VPS53: variants seen among roughly 807,000 people sequenced by gnomAD.
VPS53 encodes the protein VPS53 subunit of GARP complex, also known as vacuolar protein sorting-associated protein 53 homolog.
Under a neutral mutation model 107.0 loss-of-function variants are expected in VPS53, and 70 were observed. That is an observed-to-expected ratio of 0.65 (90% CI 0.54 to 0.80). The LOEUF (loss-of-function observed/expected upper bound fraction) is 0.80, where lower values mean the gene tolerates loss of function less well. Ranked by LOEUF, VPS53 falls within the 30% of genes least tolerant of loss-of-function variation. The pLI is 0.00. For synonymous variants in VPS53, 409 were observed against 393.3 expected (o/e 1.04, Z -0.47); for missense variants, 917 against 1,049.4 (o/e 0.87, Z 1.74).
intron 4 of VPS53, among the ~76,000 whole-genome samples, chr17:694,811 G>A (rs566930015): frequency 3.9e-5 from 6 of 152,180 alleles, no homozygotes; most frequent in South Asian, 2.1e-4. Context: ...TCTGTCATCC[G>A]GGCTGGAGCG....
intron 18 of VPS53, among the ~76,000 whole-genome samples, chr17:535,259 G>C (rs1182741754): frequency 6.6e-6 from 1 of 152,222 alleles, no homozygotes; most frequent in African/African-American, 2.4e-5. Context: ...CTCAACCTGG[G>C]CTTAGCAATG....
At chr17:660,814 C>G (rs1164544666) in intron 5 of VPS53, among the ~76,000 whole-genome samples, 1 of 152,188 alleles carries the variant, frequency 6.6e-6, no homozygotes, top group Non-Finnish European at 1.5e-5. Flanking sequence ...CCCTGTGAGG[C>G]AAATGCCATT....
intron 7 of VPS53, among the ~76,000 whole-genome samples, chr17:644,882 C>G (rs1460914991): frequency 6.6e-6 from 1 of 152,178 alleles, no homozygotes; most frequent in Non-Finnish European, 1.5e-5. Flanking sequence ...CCATGCCCAG[C>G]CTTTTTAGTG....
At position 514,615 on chromosome 17, in the gene VPS53, TGCA is replaced by T. The variant is rs1908172624; in HGVS notation, c.*4510_*4512del. The T allele has an allele frequency of 6.5e-6, 1 of 152,746 alleles. No homozygotes were observed. Among genetic ancestry groups the T allele is most frequent in the Non-Finnish European group, 1.5e-5 (1 of 68,344 alleles). 9.5% of individuals were successfully genotyped at this position (152,746 alleles called of 1,614,324 possible). On this transcript the variant is annotated 3_prime_UTR_variant, in exon 22 of 22. Transcript: ENST00000437048. The stretch of plus-strand genomic sequence containing the variant: ...GGAACCCCATTTCCAGCTGTGCACA[TGCA>T]GCATTTCCCCTGGCATTCTTTCAAC...
chr17:664,682 G>A (rs1390332285), intron 4 of VPS53, among the ~76,000 whole-genome samples: 1 of 152,166 alleles, frequency 6.6e-6, no homozygotes, highest in African/African-American at 2.4e-5. Context: ...TGCAGGGGCA[G>A]GAGGGAAAGC....
chr17:571,025 GA>G, intron 13 of VPS53, among the ~76,000 whole-genome samples: 1 of 152,174 alleles, frequency 6.6e-6, no homozygotes, highest in Non-Finnish European at 1.5e-5. Flanking sequence ...AAAGGTTCAG[GA>G]AAAAAGTACA....
At chr17:698,318 A>G (rs1001730520) in intron 3 of VPS53, among the ~76,000 whole-genome samples, 1 of 151,960 alleles carries the variant, frequency 6.6e-6, no homozygotes, top group African/African-American at 2.4e-5. Context: ...CTATAATTCC[A>G]GCTACTTGGG....
At chr17:589,637 G>A (rs572162285) in intron 12 of VPS53, among the ~76,000 whole-genome samples, 5 of 152,252 alleles carry the variant, frequency 3.3e-5, no homozygotes, top group Admixed American at 1.3e-4. Flanking sequence ...AAAGGATAAC[G>A]TCAGAAAACT....
intron 4 of VPS53, among the ~76,000 whole-genome samples, chr17:685,568 C>T (rs1972556934): frequency 6.6e-6 from 1 of 152,124 alleles, no homozygotes; most frequent in South Asian, 2.1e-4. Context: ...AAATTTAAGG[C>T]ACGGTAGGCT....
At chr17:637,787 C>T (rs569509871) in intron 7 of VPS53, among the ~76,000 whole-genome samples, 81 of 152,184 alleles carry the variant, frequency 5.3e-4, no homozygotes, top group Admixed American at 1.2e-3. Context: ...AGAGACAGTT[C>T]GTTATAATTT....
chr17:699,363 G>A lies in VPS53; in HGVS notation c.186C>T (p.Asp62=), dbSNP rs754421324. 13 of 1,571,638 alleles carry A rather than the reference G, an allele frequency of 8.3e-6. No individual in the cohort carries two copies. Among genetic ancestry groups the A allele is most frequent in the South Asian group, 1.2e-5 (1 of 83,652 alleles). ...FPTEQSLANI[D]EVVNKIRLKI... is the part of the protein sequence containing the mutation. ...TCAGCCTAATTTTGTTCACGACTTC[G>A]TCTATGTTCGCCAGAGACTACAATA... The change falls in exon 3 of 22, where the codon GAC becomes GAT. Residue 62 remains aspartate (D), a synonymous_variant. Coordinates refer to ENST00000437048, the MANE Select transcript of VPS53 (RefSeq NM_001128159.3).
chr17:631,537 C>T lies in VPS53; in HGVS notation c.687+13G>A, dbSNP rs962491775. The T allele has an allele frequency of 3.7e-5, 59 of 1,613,470 alleles. No homozygotes were observed. Among genetic ancestry groups the T allele is most frequent in the African/African-American group, 6.7e-5 (5 of 74,832 alleles). On this transcript the variant is annotated intron_variant, in intron 8 of 21. Transcript: ENST00000437048. Reference sequence around the variant, plus strand: ...TGATCATCTCTAAAGACTGGGGAAACGCAAAGCAGTACCTTGGTGCCCTGG... The same window carrying T: ...TGATCATCTCTAAAGACTGGGGAAATGCAAAGCAGTACCTTGGTGCCCTGG...
chr17:653,961 C>T (rs1184642324), intron 6 of VPS53, among the ~76,000 whole-genome samples: 3 of 152,176 alleles, frequency 2.0e-5, no homozygotes, highest in African/African-American at 4.8e-5. Flanking sequence ...TGTGGGAGGC[C>T]GAGGCGGGCA....
At chr17:603,626 G>C (rs1968424460) in intron 11 of VPS53, among the ~76,000 whole-genome samples, 1 of 152,166 alleles carries the variant, frequency 6.6e-6, no homozygotes. Flanking sequence ...GTAATCAGTA[G>C]TAAGATGATG....
chr17:599,370 A>G (rs2143007267), intron 12 of VPS53, among the ~76,000 whole-genome samples: 1 of 152,250 alleles, frequency 6.6e-6, no homozygotes, highest in East Asian at 1.9e-4. Flanking sequence ...TGTAGAGAGA[A>G]GTAGACATGG....
chr17:524,920 A>T lies in VPS53; in HGVS notation c.2086-3182T>A, dbSNP rs1391345548. 1.3e-5 allele frequency among the ~76,000 whole-genome samples: 2 copies of T among 152,248 alleles called. No individual in the cohort carries two copies. Among genetic ancestry groups the T allele is most frequent in the Non-Finnish European group, 2.9e-5 (2 of 68,054 alleles). The stretch of plus-strand genomic sequence containing the variant: ...ATTTCCTTAGCTGGAGATGTGTATC[A>T]CCCATAACACAGCATTAATACTTAT... On this transcript the variant is annotated intron_variant, in intron 19 of 21. Transcript: ENST00000437048. This position sits in a 1 kb window ranked among gnomAD's most constrained non-coding sequence, Gnocchi z 4.5.
At chr17:607,499 T>G (rs1024588004) in intron 11 of VPS53, among the ~76,000 whole-genome samples, 31 of 152,318 alleles carry the variant, frequency 2.0e-4, no homozygotes, top group African/African-American at 7.0e-4. Flanking sequence ...CAAGTCCTTG[T>G]GGGGAGCGAT....
chr17:532,804 A>T (rs1909700774), intron 19 of VPS53, 38 bp downstream of exon 19: 1 of 1,611,014 alleles, frequency 6.2e-7, no homozygotes, highest in African/African-American at 1.3e-5. Context: ...CTACAACAAA[A>T]GCTGCCAGGC....
rs568066538 is a variant in VPS53, at chr17:654,771, A to C, written c.488+1067T>G. Among the ~76,000 whole-genome samples the C allele has an allele frequency of 3.3e-5, 5 of 150,902 alleles. No individual in the cohort carries two copies. In the East Asian group the frequency reaches 9.7e-4, roughly 29 times the overall value. On this transcript the variant is annotated intron_variant, in intron 6 of 21. Coordinates refer to ENST00000437048, the MANE Select transcript of VPS53 (RefSeq NM_001128159.3). Reference sequence around the variant, plus strand: ...AAAAAAAAAGAAAAAAGAAAAAGACAGGATCAAGTTCAAGCCAAGGTGTTC... The same window carrying C: ...AAAAAAAAAGAAAAAAGAAAAAGACCGGATCAAGTTCAAGCCAAGGTGTTC...
Sources: gnomAD v4.1 joint callset for allele counts (sites outside exome capture counted in the v4.1 genomes callset) on GRCh38, gnomAD v4.1.1 for gene constraint, Gnocchi (gnomAD v3.1) non-coding constraint, MANE v1.5 for transcripts, NCBI Gene and HGNC (gene_info 2026-07-23, HGNC 2026-07-21) for gene names.